CNTN1: variants seen among roughly 807,000 people sequenced by gnomAD.
CNTN1 encodes the protein contactin 1, also known as contactin-1.
A neutral mutation model predicts 126.4 loss-of-function variants in CNTN1; 38 were observed. That is an observed-to-expected ratio of 0.30 (90% CI 0.23 to 0.39). The LOEUF is 0.39. CNTN1 is among the 10% of genes least tolerant of loss of function. The pLI, the probability that CNTN1 is intolerant of heterozygous loss-of-function variation, is 1.00. For missense variants in CNTN1, 1,009 were observed against 1,248.4 expected (o/e 0.81, Z 2.89); for synonymous variants, 413 against 422.6 (o/e 0.98, Z 0.28).
chr12:40,773,120 T>C (rs895145843), intron 1 of CNTN1, among the ~76,000 whole-genome samples: 2 of 151,864 alleles, frequency 1.3e-5, no homozygotes, highest in Non-Finnish European at 2.9e-5. Flanking sequence ...ATCCACCATA[T>C]GTTGACTCTA....
intron 15 of CNTN1, among the ~76,000 whole-genome samples, chr12:40,980,492 A>G (rs1409405488): frequency 2.6e-5 from 4 of 151,168 alleles, no homozygotes; most frequent in South Asian, 4.2e-4. Flanking sequence ...GGATGTGTTC[A>G]GTTCTGGGGA....
At chr12:40,949,601 G>A (rs113835224) in intron 14 of CNTN1, among the ~76,000 whole-genome samples, 39 of 87,258 alleles carry the variant, frequency 4.5e-4, no homozygotes, top group Admixed American at 9.9e-4. Flanking sequence ...TTTTTGAGAC[G>A]TAGGTTAGCT....
intron 1 of CNTN1, among the ~76,000 whole-genome samples, chr12:40,863,326 T>C (rs1185021430): frequency 6.6e-6 from 1 of 152,196 alleles, no homozygotes; most frequent in Non-Finnish European, 1.5e-5. Context: ...GATGAATAGA[T>C]AATTTATAAT....
chr12:41,038,385 G>A (rs1282628067), intron 23 of CNTN1, among the ~76,000 whole-genome samples: 1 of 152,046 alleles, frequency 6.6e-6, no homozygotes. Context: ...TGTTGGCAGG[G>A]TTGGTGTCTT....
intron 1 of CNTN1, among the ~76,000 whole-genome samples, chr12:40,718,013 AGT>A (rs1942091652): frequency 6.6e-6 from 1 of 152,132 alleles, no homozygotes; most frequent in African/African-American, 2.4e-5. Context: ...ATTTTTTCTC[AGT>A]GTTTTATTTA....
At chr12:40,722,636 A>T (rs936191651) in intron 1 of CNTN1, among the ~76,000 whole-genome samples, 1 of 152,122 alleles carries the variant, frequency 6.6e-6, no homozygotes, top group Admixed American at 6.6e-5. Context: ...GCACGCACAC[A>T]CTATCCATGT....
At chr12:40,782,832 A>C (rs1353636870) in intron 1 of CNTN1, among the ~76,000 whole-genome samples, 1 of 151,994 alleles carries the variant, frequency 6.6e-6, no homozygotes, top group African/African-American at 2.4e-5. Flanking sequence ...AAAAAAATTT[A>C]AAATGACGAA....
intron 17 of CNTN1, among the ~76,000 whole-genome samples, chr12:40,997,774 T>C (rs1447431401): frequency 2.6e-5 from 4 of 152,200 alleles, no homozygotes; most frequent in African/African-American, 4.8e-5. Flanking sequence ...TTAGATGAAG[T>C]ATATGAAAAT....
Position 41,026,678 on chromosome 12 carries a change from G to A in CNTN1, c.2711-1179G>A, listed in dbSNP as rs569674439. On this transcript the variant is annotated intron_variant, in intron 21 of 23. Transcript: ENST00000551295. ...GGGAAGTGTTCTGGGGCCCAATTACGGAGAACCTTGTAAGTAATTGTGATG... is the reference window on the plus strand; with the variant it reads ...GGGAAGTGTTCTGGGGCCCAATTACAGAGAACCTTGTAAGTAATTGTGATG... 2.2e-4 allele frequency among the ~76,000 whole-genome samples: 34 copies of A among 152,222 alleles called. 1 individual carries two copies. The highest frequency in any genetic ancestry group is 7.5e-4 in the African/African-American group (31 of 41,552).
chr12:41,051,170 C>T lies in CNTN1; in HGVS notation c.2981-18789C>T, dbSNP rs181646952. ...CTTTTTTTTTTTTTTTTTTTTGAGA[C>T]GGAGTCTTGCTCTGTCACCCAGGCT... On this transcript the variant is annotated intron_variant, in intron 23 of 23. Coordinates refer to ENST00000551295, the MANE Select transcript of CNTN1 (RefSeq NM_001843.4). Among the ~76,000 whole-genome samples, 533 of 127,576 alleles carry T rather than the reference C, an allele frequency of 4.2e-3. 7 individuals carry two copies. The highest frequency in any genetic ancestry group is 0.016 in the African/African-American group (509 of 31,310). The allele number at this position is 127,576 out of a possible 152,430, so 83.7% of individuals were successfully genotyped here.
intron 23 of CNTN1, among the ~76,000 whole-genome samples, chr12:41,057,014 ATAAAT>A (rs547738419): frequency 1.4e-5 from 1 of 73,640 alleles, no homozygotes; most frequent in African/African-American, 9.5e-5. Flanking sequence ...TTAGATATTT[ATAAAT>A]GATATTTATA....
rs142726063 is a variant in CNTN1 at position 40,720,588 on chromosome 12, A to C, written c.-77+27996A>C. Among the ~76,000 whole-genome samples, 507 of 152,276 alleles carry C rather than the reference A, an allele frequency of 3.3e-3. 1 individual carries two copies. Among genetic ancestry groups the C allele is most frequent in the African/African-American group, 0.012 (478 of 41,556 alleles). ...AGATGGATAATTGAATGATATTTTA[A>C]ATCTCCTTGAAAGTTTAATAATCAT... is the stretch of plus-strand genomic sequence containing the variant. On this transcript the variant is annotated intron_variant, in intron 1 of 23. Transcript: ENST00000551295.
At chr12:40,886,836 A>G (rs1944051061) in intron 1 of CNTN1, among the ~76,000 whole-genome samples, 2 of 152,134 alleles carry the variant, frequency 1.3e-5, no homozygotes, top group Admixed American at 1.3e-4. Context: ...TCCTTTCCCC[A>G]TTGCTTGTTT....
chr12:40,786,232 C>T (rs929627307), intron 1 of CNTN1, among the ~76,000 whole-genome samples: 5 of 152,158 alleles, frequency 3.3e-5, no homozygotes, highest in Non-Finnish European at 7.4e-5. Context: ...TTTTCTTGTG[C>T]TGCTCTAGGT....
At chr12:40,929,021 C>A (rs1337406996) in intron 6 of CNTN1, among the ~76,000 whole-genome samples, 1 of 151,662 alleles carries the variant, frequency 6.6e-6, no homozygotes, top group Non-Finnish European at 1.5e-5. Flanking sequence ...ATTTTTTGAC[C>A]TAAAGGTATG....
At chr12:40,931,511 CTTCCTATATCCTGGACT>C (rs1207459898) in intron 7 of CNTN1, among the ~76,000 whole-genome samples, 1 of 151,954 alleles carries the variant, frequency 6.6e-6, no homozygotes, top group African/African-American at 2.4e-5. Flanking sequence ...GATGTCAATT[CTTCCTATATCCTGGACT>C]TGTCCCCCAG....
intron 12 of CNTN1, among the ~76,000 whole-genome samples, chr12:40,942,368 AAGGACAG>A (rs1670894073): frequency 6.6e-6 from 1 of 152,140 alleles, no homozygotes; most frequent in African/African-American, 2.4e-5. Flanking sequence ...ATCCCAGATG[AAGGACAG>A]AGGGAAGGAA....
intron 1 of CNTN1, among the ~76,000 whole-genome samples, chr12:40,771,081 C>A (rs1257093283): frequency 6.6e-6 from 1 of 151,988 alleles, no homozygotes; most frequent in East Asian, 1.9e-4. Flanking sequence ...ACTAAAGAAG[C>A]CTGCTCTAAG....
chr12:41,063,915 G>T (rs546947308), intron 23 of CNTN1, among the ~76,000 whole-genome samples: 2 of 152,114 alleles, frequency 1.3e-5, no homozygotes, highest in Non-Finnish European at 2.9e-5. Context: ...GGTAGCTCAC[G>T]CCTGTAATCC....
Sources: allele counts gnomAD v4.1 joint callset (sites outside exome capture counted in the v4.1 genomes callset), GRCh38; gene constraint gnomAD v4.1.1; transcripts MANE v1.5; gene names NCBI Gene and HGNC (gene_info 2026-07-23, HGNC 2026-07-21).